KAT7: variants seen among roughly 807,000 people sequenced by gnomAD.
KAT7 encodes the protein lysine acetyltransferase 7.
Under a neutral mutation model 82.1 loss-of-function variants are expected in KAT7, and 10 were observed. The observed-to-expected ratio is 0.12, with a 90% CI of 0.08 to 0.21. The LOEUF (loss-of-function observed/expected upper bound fraction) is 0.21. KAT7 is among the 10% of genes least tolerant of loss of function. The pLI is 1.00. For missense variants in KAT7, 378 were observed against 760.9 expected (o/e 0.50, Z 5.92); for synonymous variants, 250 against 262.5 (o/e 0.95, Z 0.46).
intron 6 of KAT7, among the ~76,000 whole-genome samples, chr17:49,810,048 A>C (rs983511974): frequency 3.3e-5 from 5 of 152,210 alleles, no homozygotes; most frequent in Non-Finnish European, 7.3e-5. Context: ...GAATTTGAAT[A>C]CTGATTATTT....
intron 11 of KAT7, among the ~76,000 whole-genome samples, chr17:49,822,428 A>G (rs545361904): frequency 5.9e-5 from 9 of 152,058 alleles, no homozygotes; most frequent in African/African-American, 2.2e-4. Flanking sequence ...ATGGTGTTTT[A>G]CCATGTTGGC....
Position 49,788,700 on chromosome 17 carries a change from G to A in KAT7, c.-135G>A, listed in dbSNP as rs1167639813. On this transcript the variant is annotated 5_prime_UTR_variant, in exon 1 of 15. Coordinates refer to ENST00000259021, the MANE Select transcript of KAT7 (RefSeq NM_007067.5). ...GCCTGCGCAGAACGCTCCAGACGCTGAGAGGCAGGAGGCACTAGGGATCGT... is the reference window on the plus strand; with the variant it reads ...GCCTGCGCAGAACGCTCCAGACGCTAAGAGGCAGGAGGCACTAGGGATCGT... 5 of 947,232 alleles carry A rather than the reference G, an allele frequency of 5.3e-6. No homozygotes were observed. In the East Asian group the frequency reaches 1.3e-4, roughly 24 times the overall value. The allele number at this position is 947,232 out of a possible 1,614,324, so 58.7% of individuals were successfully genotyped here.
intron 2 of KAT7, among the ~76,000 whole-genome samples, chr17:49,794,272 C>T (rs144089279): frequency 5.8e-4 from 89 of 152,262 alleles, no homozygotes; most frequent in East Asian, 2.9e-3. Flanking sequence ...GGGCAGCACT[C>T]CCACAATGAT....
intron 9 of KAT7, among the ~76,000 whole-genome samples, chr17:49,820,704 G>A (rs2074291975): frequency 2.0e-5 from 3 of 151,174 alleles, no homozygotes; most frequent in Non-Finnish European, 4.4e-5. Flanking sequence ...CTCCCTTGTG[G>A]CCAAGTGACC....
At chr17:49,826,349 C>T (rs2074368609) in intron 13 of KAT7, 1 of 531,482 alleles carries the variant, frequency 1.9e-6, no homozygotes, top group Admixed American at 3.5e-5. Flanking sequence ...GAGTTGCCAA[C>T]ACTTTAATTC....
At position 49,827,511 on chromosome 17, in the gene KAT7, G is replaced by C; in HGVS notation, c.*9G>C. 1.3e-6 allele frequency: 2 copies of C among 1,535,664 alleles called. No individual in the cohort carries two copies. Among genetic ancestry groups the C allele is most frequent in the Non-Finnish European group, 1.8e-6 (2 of 1,108,746 alleles). Reference sequence around the variant, plus strand: ...CTCCCAAGGGCACTTAAAGTGACCTGTCATTCCGAGCCAGCGAACCCCAGC... The same window carrying C: ...CTCCCAAGGGCACTTAAAGTGACCTCTCATTCCGAGCCAGCGAACCCCAGC... On this transcript the variant is annotated 3_prime_UTR_variant, in exon 15 of 15. Coordinates refer to ENST00000259021, the MANE Select transcript of KAT7 (RefSeq NM_007067.5).
intron 7 of KAT7, among the ~76,000 whole-genome samples, chr17:49,813,270 G>A (rs2074192664): frequency 1.3e-5 from 2 of 152,064 alleles, no homozygotes; most frequent in Non-Finnish European, 2.9e-5. Context: ...GTGAGAACAT[G>A]CTGTGTTTGG....
chr17:49,788,734 T>C lies in KAT7; in HGVS notation c.-101T>C, dbSNP rs1326404717. 6 of 1,320,206 alleles carry C rather than the reference T, an allele frequency of 4.5e-6. No homozygotes were observed. The highest frequency in any genetic ancestry group is 4.0e-5 in the South Asian group (3 of 75,922). The allele number at this position is 1,320,206 out of a possible 1,614,324, so 81.8% of individuals were successfully genotyped here. Reference sequence around the variant, plus strand: ...GAGGCACTAGGGATCGTCCGCAGGATTGGGACTGATACAGAGGCCGCCACG... The same window carrying C: ...GAGGCACTAGGGATCGTCCGCAGGACTGGGACTGATACAGAGGCCGCCACG... On this transcript the variant is annotated 5_prime_UTR_variant, in exon 1 of 15. Transcript: ENST00000259021.
rs1267090665 is a variant in KAT7 at position 49,833,686 on chromosome 17, C to CT, written c.*6186dup. On this transcript the variant is annotated 3_prime_UTR_variant, in exon 15 of 15. Coordinates refer to ENST00000259021, the MANE Select transcript of KAT7 (RefSeq NM_007067.5). Reference sequence around the variant, plus strand: ...GCACTAAAAGCCCAGACTTGTGTCTCTTGAAGGTTTCAACCCCGCCAGACT... The same window carrying CT: ...GCACTAAAAGCCCAGACTTGTGTCTCTTTGAAGGTTTCAACCCCGCCAGACT... 6.6e-6 allele frequency: 1 copy of CT among 152,244 alleles called. No homozygotes were observed. Among genetic ancestry groups the CT allele is most frequent in the African/African-American group, 2.4e-5 (1 of 41,458 alleles). 9.4% of individuals were successfully genotyped at this position (152,244 alleles called of 1,614,324 possible).
rs2074302096 is a variant in KAT7, at chr17:49,821,434, G to A, written c.1245+8G>A. 2 of 1,611,274 alleles carry A rather than the reference G, an allele frequency of 1.2e-6. No homozygotes were observed. The highest frequency in any genetic ancestry group is 1.7e-6 in the Non-Finnish European group (2 of 1,178,128). ...GATGGCAAGAAAAACAAGGTAAAAA[G>A]TGGTGACTTTAGAAAGGAGTTGAAA... On this transcript the variant is annotated splice_region_variant and intron_variant, in intron 10 of 14. Coordinates refer to ENST00000259021, the MANE Select transcript of KAT7 (RefSeq NM_007067.5).
chr17:49,793,052 G>T lies in KAT7; in HGVS notation c.163+1019G>T, dbSNP rs962340682. On this transcript the variant is annotated intron_variant, in intron 2 of 14. Transcript: ENST00000259021. ...GGTCTCAAACTCCTGGACTCAAGCA[G>T]TCCTTCCACCTTGGCCTCCCAAAGT... Among the ~76,000 whole-genome samples the T allele has an allele frequency of 3.9e-5, 6 of 152,110 alleles. No homozygotes were observed. The South Asian group carries it at 6.2e-4, about 16-fold the overall frequency.
At chr17:49,819,083 T>G (rs2074270237) in intron 9 of KAT7, among the ~76,000 whole-genome samples, 1 of 152,128 alleles carries the variant, frequency 6.6e-6, no homozygotes, top group Non-Finnish European at 1.5e-5. Context: ...GCCTCTGGGG[T>G]GTCTCTTTTT....
chr17:49,822,763 T>C (rs1296549606), intron 11 of KAT7, among the ~76,000 whole-genome samples: 1 of 152,184 alleles, frequency 6.6e-6, no homozygotes, highest in African/African-American at 2.4e-5. Context: ...TTTGGACGTT[T>C]CCTACAAGTG....
chr17:49,813,432 A>G (rs1284349921), intron 7 of KAT7, among the ~76,000 whole-genome samples: 2 of 151,674 alleles, frequency 1.3e-5, no homozygotes, highest in African/African-American at 2.4e-5. Flanking sequence ...ATGTTTTCTT[A>G]TTCAGCCATT....
intron 7 of KAT7, among the ~76,000 whole-genome samples, chr17:49,812,931 G>A (rs893955331): frequency 3.3e-5 from 5 of 150,184 alleles, no homozygotes; most frequent in African/African-American, 4.9e-5. Flanking sequence ...TTGAACTCCT[G>A]ACCTCGTGAT....
At chr17:49,826,217 C>A (rs2074367071) in intron 13 of KAT7, 71 bp downstream of exon 13, 4 of 1,472,128 alleles carry the variant, frequency 2.7e-6, no homozygotes, top group Non-Finnish European at 3.8e-6. Flanking sequence ...TTGTGTTTCC[C>A]CTGAATGTGA....
At chr17:49,793,077 T>G (rs1386460583) in intron 2 of KAT7, among the ~76,000 whole-genome samples, 1 of 152,216 alleles carries the variant, frequency 6.6e-6, no homozygotes, top group Admixed American at 6.5e-5. Context: ...CCTCCCAAAG[T>G]ACTGGGGTTA....
chr17:49,822,374 C>T (rs1210634698), intron 11 of KAT7, among the ~76,000 whole-genome samples: 1 of 151,956 alleles, frequency 6.6e-6, no homozygotes, highest in East Asian at 1.9e-4. Context: ...ATAACAGGCG[C>T]CTGCCACCAC....
chr17:49,796,656 G>T, intron 2 of KAT7, 94 bp from the exon 3 acceptor site: 1 of 901,734 alleles, frequency 1.1e-6, no homozygotes, highest in Non-Finnish European at 1.7e-6. Context: ...GAAATATGAA[G>T]AGGAGGAGGA....
Sources: allele counts gnomAD v4.1 joint callset (sites outside exome capture counted in the v4.1 genomes callset), GRCh38; gene constraint gnomAD v4.1.1; transcripts MANE v1.5; gene names NCBI Gene and HGNC (gene_info 2026-07-23, HGNC 2026-07-21).